DCAF8L2: variants seen among roughly 807,000 people sequenced by gnomAD.
The protein encoded by DCAF8L2 is DDB1 and CUL4 associated factor 8 like 2.
For missense variants in DCAF8L2, 430 were observed against 490.7 expected (o/e 0.88, Z 1.17); for synonymous variants, 200 against 190.9 (o/e 1.05, Z -0.39).
chrX:27,658,778 T>C (rs1213976160), intron 2 of DCAF8L2, among the ~76,000 whole-genome samples: 1 of 112,473 alleles, frequency 8.9e-6, no homozygotes, highest in African/African-American at 3.2e-5. Flanking sequence ...CAGAATGACC[T>C]TGGTCAAGTT....
chrX:27,722,306 T>C (rs1249109169), intron 4 of DCAF8L2, among the ~76,000 whole-genome samples: 1 of 111,685 alleles, frequency 9.0e-6, no homozygotes, highest in Non-Finnish European at 1.9e-5. Context: ...TACAATGTGG[T>C]TACGTTCTGA....
chrX:27,575,503 T>C, the DCAF8L2 span, among the ~76,000 whole-genome samples: 1 of 111,446 alleles, frequency 9.0e-6, no homozygotes, highest in Non-Finnish European at 1.9e-5. Context: ...CACCCCCATA[T>C]CACTTAAAGG....
intron 1 of DCAF8L2, among the ~76,000 whole-genome samples, chrX:27,598,000 C>T: frequency 9.5e-6 from 1 of 105,551 alleles, no homozygotes; most frequent in East Asian, 2.8e-4. Flanking sequence ...ATTCTAAAAA[C>T]AAACCTTCAA....
chrX:27,681,745 C>T (rs769989643), intron 3 of DCAF8L2, among the ~76,000 whole-genome samples: 1 of 111,776 alleles, frequency 8.9e-6, no homozygotes, highest in African/African-American at 3.2e-5. Flanking sequence ...AGCATTTACT[C>T]TCTGAATCTT....
At chrX:27,488,517 C>CTG in the DCAF8L2 span, among the ~76,000 whole-genome samples, 8,202 of 80,217 alleles carry the variant, frequency 0.1, 490 homozygotes, top group Admixed American at 0.2. Flanking sequence ...AAAATTACCT[C>CTG]TGTGTGTGTG....
chrX:27,697,693 T>C (rs1442318108), intron 3 of DCAF8L2, among the ~76,000 whole-genome samples: 5 of 111,394 alleles, frequency 4.5e-5, no homozygotes, highest in Non-Finnish European at 9.4e-5. Flanking sequence ...ATTTTGAAAA[T>C]AGACTGTCTC....
the DCAF8L2 span, among the ~76,000 whole-genome samples, chrX:27,472,188 G>A: frequency 2.8e-3 from 307 of 111,120 alleles, no homozygotes; most frequent in African/African-American, 9.4e-3. Context: ...CACATTTTAT[G>A]TCTACGTTAT....
chrX:27,519,359 C>T, the DCAF8L2 span: 1 of 1,148,842 alleles, frequency 8.7e-7, no homozygotes, highest in Non-Finnish European at 1.2e-6. Context: ...GCGAAGTCTG[C>T]CGTAGCAAAA....
chrX:27,493,318 T>C, the DCAF8L2 span, among the ~76,000 whole-genome samples: 2 of 112,033 alleles, frequency 1.8e-5, no homozygotes, highest in East Asian at 5.6e-4. Context: ...ACATAAAGTT[T>C]GCCCATGTTA....
chrX:27,733,804 G>A (rs1247660736), intron 4 of DCAF8L2, among the ~76,000 whole-genome samples: 4 of 111,139 alleles, frequency 3.6e-5, no homozygotes, highest in Non-Finnish European at 3.8e-5. Flanking sequence ...CCCATTGTGC[G>A]GTCTTGGTGC....
chrX:27,485,522 A>G, the DCAF8L2 span, among the ~76,000 whole-genome samples: 11 of 111,707 alleles, frequency 9.8e-5, no homozygotes, highest in South Asian at 4.1e-3. Context: ...TGGGATCCAA[A>G]TAATAAAGTA....
rs770020182 is a variant in DCAF8L2, at chrX:27,658,965, A to G, written c.-219-18871A>G. Among the ~76,000 whole-genome samples, 7 of 112,178 alleles carry G rather than the reference A, an allele frequency of 6.2e-5. No homozygotes were observed. In the South Asian group the frequency reaches 2.2e-3, roughly 36 times the overall value. On this transcript the variant is annotated intron_variant, in intron 2 of 4. Coordinates refer to ENST00000451261, the MANE Select transcript of DCAF8L2 (RefSeq NM_001353450.2). ...AATCCTATTATTAACACAGTTTTTA[A>G]TAATTCTCGCCCCCACCTGCTGAGG... is the stretch of plus-strand genomic sequence containing the variant.
chrX:27,695,846 C>G (rs766483674), intron 3 of DCAF8L2, among the ~76,000 whole-genome samples: 2 of 110,944 alleles, frequency 1.8e-5, no homozygotes, highest in East Asian at 5.7e-4. Context: ...TTTGAATTCA[C>G]ATGTAAATGT....
At chrX:27,683,863 T>C (rs184455031) in intron 3 of DCAF8L2, among the ~76,000 whole-genome samples, 1 of 111,809 alleles carries the variant, frequency 8.9e-6, no homozygotes, top group East Asian at 2.8e-4. Context: ...TCACCTGAGA[T>C]TGCACTGTTC....
the DCAF8L2 span, among the ~76,000 whole-genome samples, chrX:27,477,318 C>T: frequency 5.4e-5 from 6 of 111,890 alleles, no homozygotes; most frequent in Non-Finnish European, 7.5e-5. Flanking sequence ...GACGGAGTCT[C>T]GCTCTGTTGC....
the DCAF8L2 span, among the ~76,000 whole-genome samples, chrX:27,512,160 G>A: frequency 2.7e-5 from 3 of 110,532 alleles, no homozygotes; most frequent in African/African-American, 9.9e-5. Flanking sequence ...AGTTCCAACT[G>A]CTCAAGAGGC....
At chrX:27,547,466 C>T in the DCAF8L2 span, among the ~76,000 whole-genome samples, 2 of 111,914 alleles carry the variant, frequency 1.8e-5, no homozygotes, top group African/African-American at 6.5e-5. Flanking sequence ...CTTCCCAAGA[C>T]AGAGTAATTT....
upstream of DCAF8L2, among the ~76,000 whole-genome samples, chrX:27,589,775 A>G (rs1925992582): frequency 8.9e-6 from 1 of 112,346 alleles, no homozygotes; most frequent in South Asian, 3.7e-4. Context: ...TTAAAAGAAT[A>G]AACCATGTGT....
chrX:27,657,752 T>C (rs976095217), intron 2 of DCAF8L2, among the ~76,000 whole-genome samples: 2 of 112,278 alleles, frequency 1.8e-5, no homozygotes, highest in South Asian at 7.4e-4. Flanking sequence ...TGAATTAAAT[T>C]TCCATTTATA....
Sources: allele counts gnomAD v4.1 joint callset (sites outside exome capture counted in the v4.1 genomes callset), GRCh38; gene constraint gnomAD v4.1.1; transcripts MANE v1.5; gene names NCBI Gene and HGNC (gene_info 2026-07-23, HGNC 2026-07-21).